Variants in GSE1 observed in about 807,000 individuals in gnomAD.
The protein encoded by GSE1 is genetic suppressor element 1.
Under a neutral mutation model 112.6 loss-of-function variants are expected in GSE1, and 32 were observed. That is an observed-to-expected ratio of 0.28 (90% CI 0.21 to 0.38). The LOEUF (loss-of-function observed/expected upper bound fraction) is 0.38, where lower values mean the gene tolerates loss of function less well. Among genes scored for constraint, GSE1 ranks in the 10% least tolerant of loss-of-function variants. The pLI is 1.00. For missense variants in GSE1, 2,348 were observed against 1,699.2 expected (o/e 1.38, Z -6.71); for synonymous variants, 1,115 against 735.6 (o/e 1.52, Z -8.35).
At chr16:85,603,537 G>A (rs2047558826) in intron 1 of GSE1, among the ~76,000 whole-genome samples, 1 of 152,216 alleles carries the variant, frequency 6.6e-6, no homozygotes, top group South Asian at 2.1e-4. Context: ...GTCTCACTGT[G>A]TCGCCCAGGC....
At chr16:85,421,540 T>A (rs951051851) in intron 2 of GSE1, among the ~76,000 whole-genome samples, 1 of 152,188 alleles carries the variant, frequency 6.6e-6, no homozygotes, top group African/African-American at 2.4e-5. Context: ...GACTTGTTAA[T>A]TCAACAAACA....
At chr16:85,602,054 C>G (rs754318090) in intron 1 of GSE1, among the ~76,000 whole-genome samples, 1 of 152,112 alleles carries the variant, frequency 6.6e-6, no homozygotes, top group Non-Finnish European at 1.5e-5. Context: ...CTAGAAGAAG[C>G]TCCTCCGTGG....
At chr16:85,249,184 G>A (rs536136264) in intron 1 of GSE1, among the ~76,000 whole-genome samples, 10 of 152,344 alleles carry the variant, frequency 6.6e-5, no homozygotes, top group Non-Finnish European at 1.3e-4. Flanking sequence ...AAGCAGCAGC[G>A]GCCGCATTTG....
intron 2 of GSE1, among the ~76,000 whole-genome samples, chr16:85,635,319 G>A (rs1448708506): frequency 6.6e-6 from 1 of 152,156 alleles, no homozygotes; most frequent in Non-Finnish European, 1.5e-5. Flanking sequence ...TCGCCTCCTG[G>A]CTCTTCCTGG....
At chr16:85,278,976 G>C (rs2044774556) in intron 1 of GSE1, 1 of 153,892 alleles carries the variant, frequency 6.5e-6, no homozygotes, top group Non-Finnish European at 1.5e-5. Context: ...CTCAGTACGG[G>C]AAATTGCAGA....
At chr16:85,301,638 C>G (rs971287579) in intron 1 of GSE1, among the ~76,000 whole-genome samples, 1 of 152,222 alleles carries the variant, frequency 6.6e-6, no homozygotes, top group Non-Finnish European at 1.5e-5. Context: ...TAATGGACAT[C>G]TGTCCCTCGT....
chr16:85,453,776 G>A (rs572494130), intron 2 of GSE1, among the ~76,000 whole-genome samples: 6 of 152,280 alleles, frequency 3.9e-5, no homozygotes, highest in East Asian at 3.9e-4. Flanking sequence ...CAAGGCGGTC[G>A]CACCCCATCC....
At chr16:85,660,288 C>T (rs2052324179) in intron 8 of GSE1, among the ~76,000 whole-genome samples, 2 of 152,220 alleles carry the variant, frequency 1.3e-5, no homozygotes, top group South Asian at 4.1e-4. Context: ...CCTTCCCTAG[C>T]AGCTTAGGCT....
intron 1 of GSE1, among the ~76,000 whole-genome samples, chr16:85,624,677 C>A (rs188600459): frequency 2.0e-5 from 3 of 152,340 alleles, no homozygotes; most frequent in Admixed American, 6.5e-5. Context: ...GGGCGTGAAT[C>A]TCCAGCCTCC....
intron 2 of GSE1, among the ~76,000 whole-genome samples, chr16:85,492,836 C>A (rs114847572): frequency 6.6e-6 from 1 of 152,146 alleles, no homozygotes; most frequent in Non-Finnish European, 1.5e-5. Context: ...ACATGTTCAT[C>A]CTAGGAGTAT....
In GSE1 at chr16:85,674,159, G is replaced by A. The variant is rs539211226; in HGVS notation, c.*1620G>A. 2.0e-5 allele frequency: 3 copies of A among 152,448 alleles called. No homozygotes were observed. The highest frequency in any genetic ancestry group is 3.9e-4 in the East Asian group (2 of 5,192). 9.4% of individuals were successfully genotyped at this position (152,448 alleles called of 1,614,324 possible). ...GGGGTGGAGGCCTGAGCTGAGGGCA[G>A]GGTGCCTGACCTGTGTGCCGGCTGC... is the stretch of plus-strand genomic sequence containing the variant. On this transcript the variant is annotated 3_prime_UTR_variant, in exon 16 of 16. Coordinates refer to ENST00000253458, the MANE Select transcript of GSE1 (RefSeq NM_014615.5).
rs193216330 is a variant in GSE1 at position 85,669,749 on chromosome 16, C to T, written c.3416-1246C>T. The stretch of plus-strand genomic sequence containing the variant: ...TCTGTGAGTTTGGCTTTTTCCTGTT[C>T]TGCGTAGGATTCATGTGTGTGTACA... On this transcript the variant is annotated intron_variant, in intron 14 of 15. Coordinates refer to ENST00000253458, the MANE Select transcript of GSE1 (RefSeq NM_014615.5). Among the ~76,000 whole-genome samples the T allele has an allele frequency of 2.0e-5, 3 of 152,296 alleles. No homozygotes were observed. The East Asian group carries it at 5.8e-4, about 29-fold the overall frequency.
chr16:85,589,977 T>G (rs1017512984), intron 1 of GSE1, among the ~76,000 whole-genome samples: 1 of 151,770 alleles, frequency 6.6e-6, no homozygotes, highest in Non-Finnish European at 1.5e-5. Context: ...GTGTGGTGTG[T>G]GAATGCATGT....
At chr16:85,208,348 G>A (rs1009384743) in intron 1 of GSE1, among the ~76,000 whole-genome samples, 7 of 152,174 alleles carry the variant, frequency 4.6e-5, no homozygotes, top group African/African-American at 2.4e-5. Flanking sequence ...CTCAGCCATC[G>A]CCCGTGGCAT....
At chr16:85,251,347 C>T (rs1039767674) in intron 1 of GSE1, among the ~76,000 whole-genome samples, 2 of 152,254 alleles carry the variant, frequency 1.3e-5, no homozygotes, top group Non-Finnish European at 2.9e-5. Flanking sequence ...TGTCCCAGCA[C>T]CCAGCACAAA....
chr16:85,500,527 C>T (rs1030236730), intron 2 of GSE1, among the ~76,000 whole-genome samples: 1 of 152,268 alleles, frequency 6.6e-6, no homozygotes, highest in African/African-American at 2.4e-5. Flanking sequence ...TCCATGGGAA[C>T]TGCGCACCAA....
intron 1 of GSE1, among the ~76,000 whole-genome samples, chr16:85,558,135 T>G (rs1035976890): frequency 1.3e-5 from 2 of 152,196 alleles, no homozygotes; most frequent in African/African-American, 4.8e-5. Flanking sequence ...CTCAGAGCTA[T>G]CTCTCCCATG....
chr16:85,182,879 A>C (rs1249172153), intron 1 of GSE1, among the ~76,000 whole-genome samples: 1 of 151,554 alleles, frequency 6.6e-6, no homozygotes. Flanking sequence ...CACACACCCC[A>C]GCACACCCGC....
upstream of GSE1, among the ~76,000 whole-genome samples, chr16:85,609,737 C>G (rs1248948322): frequency 6.6e-6 from 1 of 152,278 alleles, no homozygotes; most frequent in South Asian, 2.1e-4. Context: ...TCACTGCGAC[C>G]TCTGCCTCCT....
Sources: allele counts gnomAD v4.1 joint callset (sites outside exome capture counted in the v4.1 genomes callset), GRCh38; gene constraint gnomAD v4.1.1; transcripts MANE v1.5; gene names NCBI Gene and HGNC (gene_info 2026-07-23, HGNC 2026-07-21).